FAM174B: variants seen among roughly 807,000 people sequenced by gnomAD.
FAM174B encodes membrane protein FAM174B.
A neutral mutation model predicts 10.9 loss-of-function variants in FAM174B; 12 were observed. The ratio of observed to expected loss-of-function variants is 1.10; its 90% CI spans 0.71 to 1.79. FAM174B has a LOEUF of 1.79. FAM174B is among the 40% of genes most tolerant of loss of function. The pLI, the probability that FAM174B is intolerant of heterozygous loss-of-function variation, is 0.00. For synonymous variants in FAM174B, 132 were observed against 115.8 expected (o/e 1.14, Z -0.90); for missense variants, 266 against 233.3 (o/e 1.14, Z -0.91).
chr15:92,623,708 C>T (rs370039346), intron 2 of FAM174B, among the ~76,000 whole-genome samples: 1 of 152,218 alleles, frequency 6.6e-6, no homozygotes, highest in African/African-American at 2.4e-5. Context: ...GAAGAGGACG[C>T]AGTGGCCTTA....
intron 1 of FAM174B, among the ~76,000 whole-genome samples, chr15:92,630,572 T>C (rs959233425): frequency 6.6e-6 from 1 of 151,722 alleles, no homozygotes; most frequent in African/African-American, 2.4e-5. Context: ...CTGCCCCACT[T>C]ATGGTCATGG....
At chr15:92,636,442 T>G (rs2050856781) in intron 1 of FAM174B, among the ~76,000 whole-genome samples, 1 of 152,232 alleles carries the variant, frequency 6.6e-6, no homozygotes, top group East Asian at 1.9e-4. Flanking sequence ...TATCCCTGTC[T>G]AACAACTGAG....
chr15:92,655,705 G>T lies in FAM174B; in HGVS notation c.-46C>A. The stretch of plus-strand genomic sequence containing the variant: ...GATCGGGCAGGGCGCGCGCGGCTGA[G>T]CTCCAGGATCCGCACCAGCACGGAG... On this transcript the variant is annotated 5_prime_UTR_variant, in exon 1 of 3. Coordinates refer to ENST00000327355, the MANE Select transcript of FAM174B (RefSeq NM_207446.3). 8.1e-7 allele frequency: 1 copy of T among 1,227,938 alleles called. No individual in the cohort carries two copies. 76.1% of individuals were successfully genotyped at this position (1,227,938 alleles called of 1,614,324 possible). A position where few individuals can be genotyped will look rare whatever the true frequency, so the allele number is the denominator to read the frequency against.
chr15:92,654,757 C>T (rs1211489949), intron 1 of FAM174B, among the ~76,000 whole-genome samples: 1 of 151,170 alleles, frequency 6.6e-6, no homozygotes, highest in Admixed American at 6.6e-5. Flanking sequence ...TTCTACTACC[C>T]CCCACACTAG....
intron 1 of FAM174B, among the ~76,000 whole-genome samples, chr15:92,651,798 A>G (rs1461992771): frequency 6.6e-6 from 1 of 152,266 alleles, no homozygotes; most frequent in Non-Finnish European, 1.5e-5. Flanking sequence ...TATATAGTGC[A>G]GTGGAAAATG....
At chr15:92,651,258 C>G (rs1418328951) in intron 1 of FAM174B, among the ~76,000 whole-genome samples, 1 of 152,116 alleles carries the variant, frequency 6.6e-6, no homozygotes, top group Non-Finnish European at 1.5e-5. Context: ...ATGAGCACCC[C>G]CTAGGATCCA....
At chr15:92,651,736 T>C (rs1413772339) in intron 1 of FAM174B, among the ~76,000 whole-genome samples, 1 of 152,266 alleles carries the variant, frequency 6.6e-6, no homozygotes, top group Non-Finnish European at 1.5e-5. Context: ...TGAATATCAT[T>C]GCACTTGCAT....
intron 2 of FAM174B, chr15:92,619,817 A>C: frequency 3.2e-6 from 1 of 314,726 alleles, no homozygotes; most frequent in Non-Finnish European, 5.9e-6. Context: ...AACTCTGCAG[A>C]TCCCACAATC....
At chr15:92,626,140 C>CGGAGTCTCGCTCTTTCACA (rs61555990) in intron 2 of FAM174B, among the ~76,000 whole-genome samples, 1 of 9,816 alleles carries the variant, frequency 1.0e-4, no homozygotes, top group Non-Finnish European at 1.6e-4. Context: ...TTTTTTGAGA[C>CGGAGTCTCGCTCTTTCACA]CAGGCCGGAG....
intron 1 of FAM174B, among the ~76,000 whole-genome samples, chr15:92,648,700 G>A (rs1018283984): frequency 6.6e-6 from 1 of 151,958 alleles, no homozygotes; most frequent in African/African-American, 2.4e-5. Context: ...TACCTGAGAG[G>A]GAGGGGTCTA....
intron 1 of FAM174B, among the ~76,000 whole-genome samples, chr15:92,642,476 C>T (rs911220857): frequency 1.3e-5 from 2 of 152,190 alleles, no homozygotes; most frequent in African/African-American, 4.8e-5. Flanking sequence ...TTCCCATAAT[C>T]CCCATGTGTT....
intron 2 of FAM174B, chr15:92,627,078 A>C (rs955494236): frequency 1.3e-5 from 2 of 152,126 alleles, no homozygotes; most frequent in Admixed American, 6.6e-5. Flanking sequence ...CAAAAAAAAA[A>C]CCACCAAGTG....
chr15:92,624,274 G>C (rs763945149), intron 2 of FAM174B, among the ~76,000 whole-genome samples: 1 of 152,160 alleles, frequency 6.6e-6, no homozygotes, highest in Non-Finnish European at 1.5e-5. Flanking sequence ...CTCCTCTCTG[G>C]TTCCTTCCAG....
chr15:92,619,525 C>T (rs1360981113), intron 2 of FAM174B, 66 bp from the exon 3 acceptor site: 2 of 1,563,646 alleles, frequency 1.3e-6, no homozygotes, highest in African/African-American at 1.4e-5. Context: ...TCTGACCCCT[C>T]CTGAACATCT....
intron 1 of FAM174B, 64 bp from the exon 2 acceptor site, chr15:92,630,409 G>A (rs937729438): frequency 2.0e-6 from 3 of 1,500,786 alleles, no homozygotes; most frequent in Non-Finnish European, 2.7e-6. Context: ...TGGGCCCCAA[G>A]CCCCAGAGGA....
chr15:92,620,091 G>A (rs762488274), intron 2 of FAM174B: 1 of 153,432 alleles, frequency 6.5e-6, no homozygotes, highest in Non-Finnish European at 1.5e-5. Context: ...CTGACTCCTG[G>A]TTTATGTATC....
Position 92,644,020 on chromosome 15 carries a change from G to A in FAM174B, c.344+11296C>T, listed in dbSNP as rs753299706. ...TCCAATGCTCTGAGGACACAGACCT[G>A]TTTCGCTTTTACCCTCTGAGCTCTA... On this transcript the variant is annotated intron_variant, in intron 1 of 2. Coordinates refer to ENST00000327355, the MANE Select transcript of FAM174B (RefSeq NM_207446.3). Among the ~76,000 whole-genome samples, 4 of 152,158 alleles carry A rather than the reference G, an allele frequency of 2.6e-5. No individual in the cohort carries two copies. The South Asian group carries it at 8.3e-4, about 32-fold the overall frequency.
At chr15:92,627,778 C>T (rs373866199) in intron 2 of FAM174B, among the ~76,000 whole-genome samples, 3 of 152,324 alleles carry the variant, frequency 2.0e-5, no homozygotes, top group Admixed American at 1.3e-4. Context: ...TATTCCCAGC[C>T]GTGCAGGAGG....
chr15:92,631,145 ATAT>A lies in FAM174B; in HGVS notation c.345-803_345-801del, dbSNP rs1467270414. Among the ~76,000 whole-genome samples the A allele has an allele frequency of 3.7e-4, 12 of 32,644 alleles. 1 individual carries two copies. Among genetic ancestry groups the A allele is most frequent in the South Asian group, 1.3e-3 (1 of 790 alleles). 21.4% of individuals were successfully genotyped at this position (32,644 alleles called of 152,430 possible). Reference sequence around the variant, plus strand: ...TTATATATTACGTATTACATATTACATATTATATTATATATTATATAATAATTT... The same window carrying A: ...TTATATATTACGTATTACATATTACATATATTATATATTATATAATAATTT... On this transcript the variant is annotated intron_variant, in intron 1 of 2. Transcript: ENST00000327355.
Sources: gnomAD v4.1 joint callset for allele counts (sites outside exome capture counted in the v4.1 genomes callset) on GRCh38, gnomAD v4.1.1 for gene constraint, MANE v1.5 for transcripts, NCBI Gene and HGNC (gene_info 2026-07-23, HGNC 2026-07-21) for gene names.